Variants in IL2RB observed in about 807,000 individuals in gnomAD.
IL2RB encodes the protein interleukin 2 receptor subunit beta, also known as interleukin-2 receptor subunit beta.
A neutral mutation model predicts 44.2 loss-of-function variants in IL2RB; 17 were observed. The observed-to-expected ratio is 0.38, with a 90% confidence interval of 0.26 to 0.58. IL2RB has a LOEUF of 0.58. Ranked by LOEUF, IL2RB falls within the 20% of genes least tolerant of loss-of-function variation. The probability of loss-of-function intolerance (pLI) is 0.63; values close to 1 mark genes in which losing one functional copy is unlikely to be tolerated. For synonymous variants in IL2RB, 286 were observed against 297.9 expected (o/e 0.96, Z 0.41); for missense variants, 624 against 685.5 (o/e 0.91, Z 1.00).
chr22:37,134,469 G>A (rs1009195477), intron 8 of IL2RB, among the ~76,000 whole-genome samples: 5 of 152,136 alleles, frequency 3.3e-5, no homozygotes, highest in Non-Finnish European at 5.9e-5. Context: ...AGCAGAGCAC[G>A]GTGGCGTGTG....
At chr22:37,131,261 TC>T in intron 9 of IL2RB, among the ~76,000 whole-genome samples, 1 of 152,292 alleles carries the variant, frequency 6.6e-6, no homozygotes, top group Non-Finnish European at 1.5e-5. Context: ...GGGCCCTTGA[TC>T]AGCCCTGATA....
chr22:37,136,585 A>G (rs1921715987), intron 6 of IL2RB, among the ~76,000 whole-genome samples, 192 bp from the exon 7 acceptor site: 1 of 151,226 alleles, frequency 6.6e-6, no homozygotes, highest in African/African-American at 2.4e-5. Flanking sequence ...GTCATCAGCT[A>G]ATCAGCTGGT....
intron 8 of IL2RB, among the ~76,000 whole-genome samples, 184 bp from the exon 9 acceptor site, chr22:37,132,652 T>G (rs3218317): frequency 0.052 from 7,994 of 152,290 alleles, 706 homozygotes; most frequent in African/African-American, 0.18. Context: ...GAGACAAGAA[T>G]GGCCAACAAA....
At chr22:37,142,660 T>C (rs1167379801) in intron 3 of IL2RB, 148 bp from the exon 4 acceptor site, 1 of 753,106 alleles carries the variant, frequency 1.3e-6, no homozygotes, top group Non-Finnish European at 2.4e-6. Context: ...TGAGGGGCAC[T>C]GCCTCCCCCA....
Position 37,141,973 on chromosome 22 carries a change from A to G in IL2RB, c.282+461T>C, listed in dbSNP as rs1921989399. Among the ~76,000 whole-genome samples, 1 of 152,090 alleles carries G rather than the reference A, an allele frequency of 6.6e-6. No homozygotes were observed. Among genetic ancestry groups the G allele is most frequent in the Admixed American group, 6.5e-5 (1 of 15,284 alleles). Reference sequence around the variant, plus strand: ...TTATGCCCATTTTACAGAAGGGGAGACTGGGGCACAGGGGTTGCCCAATGT... The same window carrying G: ...TTATGCCCATTTTACAGAAGGGGAGGCTGGGGCACAGGGGTTGCCCAATGT... On this transcript the variant is annotated intron_variant, in intron 4 of 9. Coordinates refer to ENST00000216223, the MANE Select transcript of IL2RB (RefSeq NM_000878.5). The surrounding 1 kb of genome is among the most constrained non-coding windows in gnomAD (Gnocchi z 4.4).
intron 1 of IL2RB, among the ~76,000 whole-genome samples, chr22:37,160,679 C>CAAAAA (rs10605445): frequency 3.7e-5 from 5 of 136,004 alleles, no homozygotes; most frequent in African/African-American, 1.5e-4. Flanking sequence ...CTGTCTATGC[C>CAAAAA]AAAAAAAAAA....
intron 2 of IL2RB, 128 bp from the exon 3 acceptor site, chr22:37,143,763 G>A (rs1922087555): frequency 1.4e-6 from 1 of 718,550 alleles, no homozygotes; most frequent in African/African-American, 1.8e-5. Flanking sequence ...GGCAAGCGGA[G>A]AAGGGATTCA....
chr22:37,139,726 C>A (rs988033703), intron 4 of IL2RB, among the ~76,000 whole-genome samples: 1 of 152,184 alleles, frequency 6.6e-6, no homozygotes, highest in Non-Finnish European at 1.5e-5. Flanking sequence ...CATCCCTACG[C>A]CTTGAATTTT....
At position 37,128,382 on chromosome 22, in the gene IL2RB, G is replaced by T. The variant is rs1422247916; in HGVS notation, c.1370C>A (p.Pro457His). 1 of 1,509,114 alleles carries T rather than the reference G, an allele frequency of 6.6e-7. No homozygotes were observed. Among genetic ancestry groups the T allele is most frequent in the African/African-American group, 1.4e-5 (1 of 71,466 alleles). The allele number at this position is 1,509,114 out of a possible 1,614,324, so 93.5% of individuals were successfully genotyped here. A position where few individuals can be genotyped will look rare whatever the true frequency, so the allele number is the denominator to read the frequency against. The change falls in exon 10 of 10, where the codon CCT becomes CAT. Residue 457 changes from proline (P) to histidine (H), a missense_variant. By Grantham distance (77) the Pro-to-His change is moderately conservative (BLOSUM62 -2). Coordinates refer to ENST00000216223, the MANE Select transcript of IL2RB (RefSeq NM_000878.5). This position sits in a 1 kb window ranked among gnomAD's most constrained non-coding sequence, Gnocchi z 4.5. Reference sequence around the variant, plus strand: ...TCTGGGGACTCTTTCTTGCAAAGAAGGGGGCATCCTCTCTTCACCGGCCCC... The same window carrying T: ...TCTGGGGACTCTTTCTTGCAAAGAATGGGGCATCCTCTCTTCACCGGCCCC... Reference protein sequence around the residue: ...GSGAGEERMPPSLQERVPRDW... With the variant: ...GSGAGEERMPHSLQERVPRDW...
chr22:37,141,232 G>A lies in IL2RB; in HGVS notation c.282+1202C>T, dbSNP rs746431941. On this transcript the variant is annotated intron_variant, in intron 4 of 9. Coordinates refer to ENST00000216223, the MANE Select transcript of IL2RB (RefSeq NM_000878.5). This position sits in a 1 kb window ranked among gnomAD's most constrained non-coding sequence, Gnocchi z 4.4. ...GTGTCCCTGCACTCTCAGGGGCCCT[G>A]GTCCAAACCCAAGCCTCCAGGTGAT... Among the ~76,000 whole-genome samples the A allele has an allele frequency of 2.0e-4, 31 of 151,968 alleles. No homozygotes were observed. Among genetic ancestry groups the A allele is most frequent in the Non-Finnish European group, 4.0e-4 (27 of 67,944 alleles).
chr22:37,136,049 C>G (rs562262563), intron 7 of IL2RB, among the ~76,000 whole-genome samples, 179 bp downstream of exon 7: 1 of 152,138 alleles, frequency 6.6e-6, no homozygotes, highest in Non-Finnish European at 1.5e-5. Flanking sequence ...TGGCAAGCCC[C>G]GTCCCCTCAC....
upstream of IL2RB, among the ~76,000 whole-genome samples, chr22:37,150,521 T>C (rs1041306872): frequency 1.3e-5 from 2 of 152,242 alleles, no homozygotes; most frequent in Admixed American, 6.5e-5. Context: ...CAATGTATAA[T>C]AATCACATCA....
At chr22:37,155,126 G>A (rs1050374834) in intron 1 of IL2RB, among the ~76,000 whole-genome samples, 1 of 152,170 alleles carries the variant, frequency 6.6e-6, no homozygotes, top group Non-Finnish European at 1.5e-5. Context: ...GTGAGGAGGG[G>A]TGAGACAGTA....
intron 4 of IL2RB, among the ~76,000 whole-genome samples, chr22:37,140,888 A>G (rs777462996): frequency 6.6e-6 from 1 of 152,114 alleles, no homozygotes; most frequent in Admixed American, 6.5e-5. Context: ...TTGGGCAGAG[A>G]CCATACCTCT....
At chr22:37,163,509 G>A (rs1424437656) in intron 1 of IL2RB, among the ~76,000 whole-genome samples, 2 of 152,174 alleles carry the variant, frequency 1.3e-5, no homozygotes, top group African/African-American at 2.4e-5. Flanking sequence ...AAGATGCCCC[G>A]CAAGGACTGG....
intron 1 of IL2RB, among the ~76,000 whole-genome samples, chr22:37,169,195 G>A (rs577014300): frequency 6.6e-6 from 1 of 151,664 alleles, no homozygotes; most frequent in Non-Finnish European, 1.5e-5. Flanking sequence ...ACTTACAGAG[G>A]GGTTCTGTTT....
In IL2RB at chr22:37,160,648, C is replaced by T. The variant is rs553070709; in HGVS notation, c.-34+14310G>A. Among the ~76,000 whole-genome samples the T allele has an allele frequency of 1.3e-5, 2 of 150,620 alleles. 1 individual carries two copies. The highest frequency in any genetic ancestry group is 3.9e-4 in the East Asian group (2 of 5,164). On this transcript the variant is annotated intron_variant, in intron 1 of 5. Coordinates refer to the IL2RB transcript ENST00000429622. ...CTTGAGCTCAGGAATTCGAGACCAG[C>T]CTGGCCAACATGCCGAAACCCTGTC... is the stretch of plus-strand genomic sequence containing the variant.
chr22:37,173,372 C>T (rs1339114650), intron 1 of IL2RB, among the ~76,000 whole-genome samples: 2 of 152,304 alleles, frequency 1.3e-5, no homozygotes, highest in East Asian at 3.9e-4. Context: ...ACACTGTCCC[C>T]TGTGCTTAGC....
chr22:37,129,715 A>G (rs1921326243), intron 9 of IL2RB, among the ~76,000 whole-genome samples: 1 of 152,216 alleles, frequency 6.6e-6, no homozygotes, highest in African/African-American at 2.4e-5. Flanking sequence ...AAGCAAATGG[A>G]GATGTAAACA....
Sources: allele counts gnomAD v4.1 joint callset (sites outside exome capture counted in the v4.1 genomes callset), GRCh38; gene constraint gnomAD v4.1.1; non-coding constraint Gnocchi (gnomAD v3.1); transcripts MANE v1.5; gene names NCBI Gene and HGNC (gene_info 2026-07-23, HGNC 2026-07-21).